Variants in LMNB1 observed in about 807,000 individuals in gnomAD.
LMNB1 encodes lamin B1.
LMNB1 carries 23 observed loss-of-function variants against 67.1 expected under a neutral mutation model. That is an observed-to-expected ratio of 0.34 (90% CI 0.25 to 0.49). LMNB1 has a LOEUF of 0.49. Among genes scored for constraint, LMNB1 ranks in the 20% least tolerant of loss-of-function variants. LMNB1 has a pLI of 0.99. For missense variants in LMNB1, 634 were observed against 746.5 expected, an observed-to-expected ratio of 0.85 and a Z score of 1.76; for synonymous variants, 281 against 282.9, an observed-to-expected ratio of 0.99 and a Z score of 0.07.
At chr5:126,785,567 C>T (rs1337513563) in intron 1 of LMNB1, among the ~76,000 whole-genome samples, 1 of 150,314 alleles carries the variant, frequency 6.7e-6, no homozygotes, top group Non-Finnish European at 1.5e-5. Flanking sequence ...GCAATATCTG[C>T]CTGCCTCAGC....
At chr5:126,790,630 TA>T (rs1750929664) in intron 1 of LMNB1, among the ~76,000 whole-genome samples, 1 of 152,124 alleles carries the variant, frequency 6.6e-6, no homozygotes, top group Non-Finnish European at 1.5e-5. Flanking sequence ...TCAAATCATT[TA>T]GGATCATTTT....
At chr5:126,786,618 C>T (rs774128382) in intron 1 of LMNB1, among the ~76,000 whole-genome samples, 1 of 152,174 alleles carries the variant, frequency 6.6e-6, no homozygotes, top group South Asian at 2.1e-4. Flanking sequence ...ACAGGTATTA[C>T]TCTGGTTTAC....
chr5:126,813,589 C>T (rs1480945896), intron 5 of LMNB1, among the ~76,000 whole-genome samples: 1 of 152,150 alleles, frequency 6.6e-6, no homozygotes, highest in African/African-American at 2.4e-5. Context: ...TTATTTCTCA[C>T]AGTTTTGGAG....
At position 126,836,857 on chromosome 5, in the gene LMNB1, ACTT is replaced by A. The variant is rs989776572; in HGVS notation, c.*599_*601del. ...TTCCACAAAACTTGGTTTTATGGTTACTTCTTCTCTTAGATTCTTAATTCATGA... is the reference window on the plus strand; with the variant it reads ...TTCCACAAAACTTGGTTTTATGGTTACTTCTCTTAGATTCTTAATTCATGA... On this transcript the variant is annotated 3_prime_UTR_variant, in exon 11 of 11. Coordinates refer to ENST00000261366, the MANE Select transcript of LMNB1 (RefSeq NM_005573.4). 40 of 213,332 alleles carry A rather than the reference ACTT, an allele frequency of 1.9e-4. No homozygotes were observed. Among genetic ancestry groups the A allele is most frequent in the African/African-American group, 4.9e-4 (15 of 30,908 alleles). The allele number at this position is 213,332 out of a possible 1,614,324, so 13.2% of individuals were successfully genotyped here. A position where few individuals can be genotyped will look rare whatever the true frequency, so the allele number is the denominator to read the frequency against.
chr5:126,791,778 C>G (rs2112934667), intron 1 of LMNB1, among the ~76,000 whole-genome samples: 1 of 148,534 alleles, frequency 6.7e-6, no homozygotes, highest in African/African-American at 2.5e-5. Flanking sequence ...TTTTTATTCC[C>G]TTGATGTCTC....
In LMNB1 at chr5:126,804,782, T is replaced by C. The variant is rs1751374350; in HGVS notation, c.366T>C (p.Ala122=). The change falls in exon 2 of 11, where the codon GCT becomes GCC. Residue 122 remains alanine, a synonymous_variant. Transcript: ENST00000261366. ...CTTTTTAAATCTGTTCCAGCTATGC[T>C]AAGAAGGAATCTGATCTTAATGGCG... ...AEHDQLLLNY[A]KKESDLNGAQ... is the part of the protein sequence containing the mutation. 1.2e-6 allele frequency: 2 copies of C among 1,613,724 alleles called. No individual in the cohort carries two copies. Among genetic ancestry groups the C allele is most frequent in the African/African-American group, 1.3e-5 (1 of 74,910 alleles).
At chr5:126,806,378 T>G (rs1380692620) in intron 3 of LMNB1, among the ~76,000 whole-genome samples, 1 of 152,232 alleles carries the variant, frequency 6.6e-6, no homozygotes, top group African/African-American at 2.4e-5. Context: ...AACCACAGAC[T>G]TGTATTAATT....
chr5:126,787,196 T>C (rs1750809021), intron 1 of LMNB1, among the ~76,000 whole-genome samples: 1 of 152,002 alleles, frequency 6.6e-6, no homozygotes, highest in South Asian at 2.1e-4. Flanking sequence ...TAATAAAATA[T>C]ATTAAGTGCT....
At chr5:126,808,587 G>A (rs1455715792) in intron 3 of LMNB1, among the ~76,000 whole-genome samples, 1 of 152,046 alleles carries the variant, frequency 6.6e-6, no homozygotes, top group Non-Finnish European at 1.5e-5. Context: ...AAAGACGAAA[G>A]AGGAAGGAGG....
At chr5:126,812,613 A>AT (rs1180244923) in intron 5 of LMNB1, among the ~76,000 whole-genome samples, 1 of 152,088 alleles carries the variant, frequency 6.6e-6, no homozygotes, top group Non-Finnish European at 1.5e-5. Context: ...TGATTCAGCA[A>AT]TTAACTCGTC....
At chr5:126,815,026 C>T (rs1751674770) in intron 5 of LMNB1, 1 of 152,124 alleles carries the variant, frequency 6.6e-6, no homozygotes, top group African/African-American at 2.4e-5. Context: ...AATCTTTCCT[C>T]TGTTCATTAT....
intron 7 of LMNB1, 119 bp downstream of exon 7, chr5:126,821,254 T>TA: frequency 1.6e-6 from 1 of 631,748 alleles, no homozygotes; most frequent in Non-Finnish European, 2.8e-6. Context: ...AATAAGGGTT[T>TA]ATGTCCTTTT....
At chr5:126,790,581 T>C (rs184736726) in intron 1 of LMNB1, among the ~76,000 whole-genome samples, 1 of 152,220 alleles carries the variant, frequency 6.6e-6, no homozygotes, top group East Asian at 1.9e-4. Flanking sequence ...ACTTACTTTT[T>C]TGTATAATTA....
intron 1 of LMNB1, among the ~76,000 whole-genome samples, chr5:126,794,859 A>G (rs1434762676): frequency 6.6e-6 from 1 of 152,172 alleles, no homozygotes; most frequent in African/African-American, 2.4e-5. Flanking sequence ...CCTGTAATAT[A>G]TTTGTTTTTC....
chr5:126,810,294 C>G lies in LMNB1; in HGVS notation c.757C>G (p.His253Asp). 6.2e-7 allele frequency: 1 copy of G among 1,613,714 alleles called. No homozygotes were observed. Among genetic ancestry groups the G allele is most frequent in the Non-Finnish European group, 8.5e-7 (1 of 1,179,676 alleles). ...AQALHEMREQ[H>D]DAQVRLYKEE... ...AGCCCTTCATGAGATGAGAGAGCAA[C>G]ATGATGCCCAAGTGAGGCTGTATAA... Residue 253 changes from histidine (H) to aspartate (D), a missense_variant, in exon 4 of 11, where the codon CAT becomes GAT. Physicochemically the swap from His to Asp is moderately conservative, Grantham distance 81. Coordinates refer to ENST00000261366, the MANE Select transcript of LMNB1 (RefSeq NM_005573.4).
chr5:126,806,896 G>GC (rs955778886), intron 3 of LMNB1, among the ~76,000 whole-genome samples: 1 of 151,896 alleles, frequency 6.6e-6, no homozygotes, highest in Admixed American at 6.6e-5. Context: ...TCCTGCCTTA[G>GC]CCCCCCTAGT....
At chr5:126,795,840 C>T (rs549481200) in intron 1 of LMNB1, among the ~76,000 whole-genome samples, 2 of 151,362 alleles carry the variant, frequency 1.3e-5, no homozygotes, top group East Asian at 3.9e-4. Flanking sequence ...TTGGATCAGG[C>T]TGGTCTCAAA....
At chr5:126,781,783 A>G (rs1163327519) in intron 1 of LMNB1, among the ~76,000 whole-genome samples, 2 of 152,208 alleles carry the variant, frequency 1.3e-5, no homozygotes, top group African/African-American at 4.8e-5. Context: ...ATTAAGTATA[A>G]TCATCATTTA....
At chr5:126,783,345 A>G (rs1750677598) in intron 1 of LMNB1, among the ~76,000 whole-genome samples, 1 of 110,788 alleles carries the variant, frequency 9.0e-6, no homozygotes, top group African/African-American at 4.0e-5. Context: ...AAGAGTTATC[A>G]AACTTTTATA....
Sources: allele counts gnomAD v4.1 joint callset (sites outside exome capture counted in the v4.1 genomes callset), GRCh38; gene constraint gnomAD v4.1.1; transcripts MANE v1.5; gene names NCBI Gene and HGNC (gene_info 2026-07-23, HGNC 2026-07-21).